RSPO4: variants seen among roughly 807,000 people sequenced by gnomAD.
RSPO4 encodes R-spondin 4.
In RSPO4, 23 loss-of-function variants were observed where a neutral mutation model predicts 24.8. The observed-to-expected ratio is 0.93, with a 90% CI of 0.67 to 1.31. The LOEUF is 1.31. RSPO4 is among the 40% of genes most tolerant of loss of function. The probability of loss-of-function intolerance (pLI) is 0.00; values close to 1 mark genes in which losing one functional copy is unlikely to be tolerated. For missense variants in RSPO4, 333 were observed against 316.5 expected, an observed-to-expected ratio of 1.05 and a Z score of -0.39; for synonymous variants, 141 against 127.4, an observed-to-expected ratio of 1.11 and a Z score of -0.72.
chr20:975,990 G>A (rs553664521), intron 1 of RSPO4, among the ~76,000 whole-genome samples: 9 of 152,242 alleles, frequency 5.9e-5, no homozygotes, highest in African/African-American at 1.7e-4. Flanking sequence ...CTGCCCTCAA[G>A]GGACTTAAAA....
chr20:968,053 G>C lies in RSPO4; in HGVS notation c.165C>G (p.Phe55Leu), dbSNP rs776717734. 3.7e-6 allele frequency: 6 copies of C among 1,614,248 alleles called. No homozygotes were observed. In the Admixed American group the frequency reaches 1.0e-4, roughly 27 times the overall value. The stretch of plus-strand genomic sequence containing the variant: ...GGATGCCTTCCCGGCGGATGAACAG[G>C]AAGAGCCTCTGCTGGCAGGTGGAAC... Reference protein sequence around the residue: ...NGCSTCQQRLFLFIRREGIRQ... With the variant: ...NGCSTCQQRLLLFIRREGIRQ... Residue 55 changes from phenylalanine to leucine, a missense_variant, in exon 2 of 5, where the codon TTC (phenylalanine) becomes TTG (leucine). By Grantham distance (22) the Phe-to-Leu change is conservative. Transcript: ENST00000217260.
At chr20:982,125 G>T (rs538871411) in intron 1 of RSPO4, among the ~76,000 whole-genome samples, 1 of 152,266 alleles carries the variant, frequency 6.6e-6, no homozygotes, top group Non-Finnish European at 1.5e-5. Flanking sequence ...GCTGTGCTGG[G>T]GGTAGAGCAG....
At chr20:980,959 G>A (rs1166617856) in intron 1 of RSPO4, among the ~76,000 whole-genome samples, 1 of 152,168 alleles carries the variant, frequency 6.6e-6, no homozygotes, top group African/African-American at 2.4e-5. Context: ...AGGGATCTTG[G>A]GTTAAAATGT....
intron 1 of RSPO4, among the ~76,000 whole-genome samples, chr20:975,548 G>A (rs143903155): frequency 4.6e-5 from 7 of 152,268 alleles, no homozygotes; most frequent in African/African-American, 1.7e-4. Context: ...CCAAGCACCC[G>A]AGGGATGAGT....
chr20:990,032 G>A (rs991903524), intron 1 of RSPO4, among the ~76,000 whole-genome samples: 2 of 152,208 alleles, frequency 1.3e-5, no homozygotes, highest in Admixed American at 6.5e-5. Flanking sequence ...TGGCAGGGAT[G>A]AGAAAACTGA....
rs1314535544 is a variant in RSPO4, at chr20:1,002,248, C to CA, written c.-85_-84insT. ...CGTCCCGGCGGCGGCACGGCGGGCG[C>CA]GGGGGCTGCTGTGGGCGCGCCGGGC... is the stretch of plus-strand genomic sequence containing the variant. On this transcript the variant is annotated 5_prime_UTR_variant, in exon 1 of 5. Transcript: ENST00000217260. The surrounding 1 kb of genome is among the most constrained non-coding windows in gnomAD (Gnocchi z 4.6). 1.0e-6 allele frequency: 1 copy of CA among 973,510 alleles called. No homozygotes were observed. The highest frequency in any genetic ancestry group is 1.7e-5 in the African/African-American group (1 of 57,348). The allele number at this position is 973,510 out of a possible 1,614,324, so 60.3% of individuals were successfully genotyped here. A position where few individuals can be genotyped will look rare whatever the true frequency, so the allele number is the denominator to read the frequency against.
rs373277668 is a variant in RSPO4, at chr20:967,174, C to T, written c.409G>A (p.Gly137Arg). 1 of 1,613,314 alleles carries T rather than the reference C, an allele frequency of 6.2e-7. No homozygotes were observed. Among genetic ancestry groups the T allele is most frequent in the Non-Finnish European group, 8.5e-7 (1 of 1,179,878 alleles). ...GCAGGGCGGGGAGGTCCCCACTCAC[C>T]CTGGCACTCCCGTGTGTTCTGGTGG... ...LAHQNTRECQGECELGPWGGW... is the reference protein window; with the variant it reads ...LAHQNTRECQRECELGPWGGW... The change falls in exon 3 of 5, where the codon GGG becomes AGG. Residue 137 changes from glycine to arginine, a missense_variant and splice_region_variant. Transcript: ENST00000217260.
At chr20:963,212 C>T (rs928903212) in intron 4 of RSPO4, among the ~76,000 whole-genome samples, 20 of 152,188 alleles carry the variant, frequency 1.3e-4, no homozygotes, top group African/African-American at 4.8e-4. Flanking sequence ...CGAGCTGTCC[C>T]CCTGTTCCAT....
In RSPO4 at chr20:994,974, C is replaced by G. The variant is rs553921830; in HGVS notation, c.79+7112G>C. Among the ~76,000 whole-genome samples the G allele has an allele frequency of 7.9e-5, 12 of 152,332 alleles. No homozygotes were observed. In the East Asian group the frequency reaches 2.3e-3, roughly 29 times the overall value. On this transcript the variant is annotated intron_variant, in intron 1 of 4. Transcript: ENST00000217260. ...AGGCTCTGAGAGGCTCTCAACCTAT[C>G]AGGCTCTGGAGCAGGCTGCCTTCCT... is the stretch of plus-strand genomic sequence containing the variant.
At chr20:998,724 C>T (rs949406410) in intron 1 of RSPO4, among the ~76,000 whole-genome samples, 5 of 152,162 alleles carry the variant, frequency 3.3e-5, no homozygotes, top group Non-Finnish European at 7.4e-5. Context: ...CAAGGACAGG[C>T]CCAGGGCTGC....
chr20:963,549 C>A (rs970157199), intron 4 of RSPO4, among the ~76,000 whole-genome samples: 2 of 152,084 alleles, frequency 1.3e-5, no homozygotes, highest in Admixed American at 1.3e-4. Flanking sequence ...AATTTCTTTT[C>A]TTTCTCCTCT....
chr20:997,723 A>G (rs901688263), intron 1 of RSPO4, among the ~76,000 whole-genome samples: 7 of 152,176 alleles, frequency 4.6e-5, no homozygotes, highest in African/African-American at 1.7e-4. Context: ...GCCCTCCACA[A>G]GGGGCTTTGC....
chr20:985,286 TATCC>T (rs1187861112), intron 1 of RSPO4, among the ~76,000 whole-genome samples: 4 of 130,462 alleles, frequency 3.1e-5, no homozygotes, highest in African/African-American at 1.0e-4. Flanking sequence ...CCCACTCATC[TATCC>T]ATCCATCCAT....
intron 1 of RSPO4, among the ~76,000 whole-genome samples, chr20:988,231 G>T (rs1984983268): frequency 1.3e-5 from 2 of 152,194 alleles, no homozygotes; most frequent in African/African-American, 4.8e-5. Context: ...GGATGAGTTT[G>T]GATGGTGCTG....
chr20:975,964 G>A (rs756642754), intron 1 of RSPO4, among the ~76,000 whole-genome samples: 3 of 152,132 alleles, frequency 2.0e-5, no homozygotes, highest in South Asian at 2.1e-4. Context: ...TTATTATATT[G>A]AGAATGATGT....
chr20:978,017 G>T (rs1366797482), intron 1 of RSPO4, among the ~76,000 whole-genome samples: 1 of 152,194 alleles, frequency 6.6e-6, no homozygotes, highest in African/African-American at 2.4e-5. Context: ...TTCTGCCTAG[G>T]GGTAGATTGC....
chr20:965,380 G>A (rs1984161402), intron 3 of RSPO4, among the ~76,000 whole-genome samples: 1 of 152,232 alleles, frequency 6.6e-6, no homozygotes, highest in South Asian at 2.1e-4. Context: ...CGGAGAATAA[G>A]CTCAAACTGA....
intron 3 of RSPO4, among the ~76,000 whole-genome samples, chr20:965,593 G>A (rs1984168029): frequency 6.6e-6 from 1 of 152,212 alleles, no homozygotes; most frequent in Admixed American, 6.5e-5. Flanking sequence ...CGGGAGACGG[G>A]CAGGAGCTGT....
At chr20:975,168 C>T (rs1281107079) in intron 1 of RSPO4, among the ~76,000 whole-genome samples, 3 of 152,100 alleles carry the variant, frequency 2.0e-5, no homozygotes, top group African/African-American at 4.8e-5. Flanking sequence ...GCTGCTTTGG[C>T]GCGGATGAGG....
Sources: allele counts gnomAD v4.1 joint callset (sites outside exome capture counted in the v4.1 genomes callset), GRCh38; gene constraint gnomAD v4.1.1; non-coding constraint Gnocchi (gnomAD v3.1); transcripts MANE v1.5; gene names NCBI Gene and HGNC (gene_info 2026-07-23, HGNC 2026-07-21).